Variants in SPG11 observed in about 807,000 individuals in gnomAD.
SPG11 encodes SPG11 vesicle trafficking associated, spatacsin, also known as spatacsin.
SPG11 carries 222 observed loss-of-function variants against 274.0 expected under a neutral mutation model. The observed-to-expected ratio is 0.81, with a 90% CI of 0.73 to 0.91. The LOEUF is 0.91. Ranked by LOEUF, SPG11 falls within the 40% of genes least tolerant of loss-of-function variation. SPG11 has a pLI of 0.00. For missense variants in SPG11, 3,114 were observed against 2,872.7 expected, an observed-to-expected ratio of 1.08 and a Z score of -1.92; for synonymous variants, 1,144 against 1,039.7, an observed-to-expected ratio of 1.10 and a Z score of -1.93.
intron 1 of SPG11, among the ~76,000 whole-genome samples, chr15:44,663,170 GGA>G (rs1489046438): frequency 6.6e-6 from 1 of 152,260 alleles, no homozygotes; most frequent in Non-Finnish European, 1.5e-5. Flanking sequence ...ACCCGGAACA[GGA>G]GAGCTGGGCT....
intron 7 of SPG11, among the ~76,000 whole-genome samples, chr15:44,637,138 T>C (rs2084301733): frequency 6.6e-6 from 1 of 151,988 alleles, no homozygotes; most frequent in African/African-American, 2.4e-5. Context: ...TAGAAACAGA[T>C]GTGTTTAATA....
At position 44,564,712 on chromosome 15, in the gene SPG11, G is replaced by A. The variant is rs758770771; in HGVS notation, c.7000-14C>T. On this transcript the variant is annotated splice_polypyrimidine_tract_variant and intron_variant, in intron 38 of 39. Coordinates refer to ENST00000261866, the MANE Select transcript of SPG11 (RefSeq NM_025137.4). ...CACAATAGAAGCCTTAAAAGGAGAG[G>A]TGAAGAAGGACACCATCAGAGCCCA... 1.2e-6 allele frequency: 2 copies of A among 1,614,104 alleles called. No individual in the cohort carries two copies. Among genetic ancestry groups the A allele is most frequent in the Non-Finnish European group, 1.7e-6 (2 of 1,179,998 alleles).
intron 1 of SPG11, 64 bp from the exon 2 acceptor site, chr15:44,660,680 G>T: frequency 6.8e-7 from 1 of 1,473,162 alleles, no homozygotes; most frequent in Non-Finnish European, 9.5e-7. Flanking sequence ...CACAATGGTG[G>T]GGGTAGAAGG....
At chr15:44,609,011 C>G (rs1373074476) in intron 18 of SPG11, among the ~76,000 whole-genome samples, 5 of 152,106 alleles carry the variant, frequency 3.3e-5, no homozygotes, top group Non-Finnish European at 7.3e-5. Context: ...TAATTTCTGA[C>G]AGATGATTAA....
chr15:44,641,598 C>CAT (rs2084442050), intron 7 of SPG11, among the ~76,000 whole-genome samples: 1 of 147,472 alleles, frequency 6.8e-6, no homozygotes, highest in Admixed American at 6.7e-5. Context: ...CACACACACA[C>CAT]ACACACACAC....
chr15:44,582,327 C>G (rs1404905342), intron 30 of SPG11, among the ~76,000 whole-genome samples: 1 of 152,152 alleles, frequency 6.6e-6, no homozygotes, highest in Non-Finnish European at 1.5e-5. Flanking sequence ...ATGGGCGGAT[C>G]ACTTGAGGTA....
At chr15:44,602,714 C>A (rs1437121787) in intron 20 of SPG11, among the ~76,000 whole-genome samples, 1 of 151,992 alleles carries the variant, frequency 6.6e-6, no homozygotes, top group African/African-American at 2.4e-5. Context: ...TATCTCCTGA[C>A]CTCGTGATCT....
chr15:44,657,515 G>A (rs2078258217), intron 3 of SPG11, among the ~76,000 whole-genome samples: 1 of 152,166 alleles, frequency 6.6e-6, no homozygotes, highest in African/African-American at 2.4e-5. Context: ...AATACCTGCT[G>A]AACATCTGCT....
In SPG11 at chr15:44,597,386, A is replaced by G. The variant is rs559121330; in HGVS notation, c.4002-443T>C. ...CTCACATTCCTGAAGTGCTGGGATTACAGGTGTGAGCCACTGTGCCTGGCC... is the reference window on the plus strand; with the variant it reads ...CTCACATTCCTGAAGTGCTGGGATTGCAGGTGTGAGCCACTGTGCCTGGCC... On this transcript the variant is annotated intron_variant, in intron 23 of 39. Coordinates refer to ENST00000261866, the MANE Select transcript of SPG11 (RefSeq NM_025137.4). 1.7e-3 allele frequency among the ~76,000 whole-genome samples: 255 copies of G among 152,286 alleles called. 1 individual carries two copies. The highest frequency in any genetic ancestry group is 1.1e-3 in the Non-Finnish European group (78 of 68,018).
At chr15:44,651,982 A>G (rs1365966271) in intron 5 of SPG11, 43 bp from the exon 6 acceptor site, 2 of 1,591,372 alleles carry the variant, frequency 1.3e-6, no homozygotes, top group Non-Finnish European at 1.7e-6. Context: ...GTCACAGTAA[A>G]AGGCACTATG....
intron 19 of SPG11, among the ~76,000 whole-genome samples, chr15:44,607,708 A>G (rs915956630): frequency 2.0e-5 from 3 of 152,246 alleles, no homozygotes; most frequent in African/African-American, 4.8e-5. Flanking sequence ...AATAGGCTTC[A>G]GGAAGTCTGT....
Position 44,622,348 on chromosome 15 carries a change from C to A in SPG11, c.2317-1G>T. ...AATTTTTTTCTTTTAAAATTTCAACCTTGAATAAAAAGTAATTAAAGCAGT... is the reference window on the plus strand; with the variant it reads ...AATTTTTTTCTTTTAAAATTTCAACATTGAATAAAAAGTAATTAAAGCAGT... On this transcript the variant is annotated splice_acceptor_variant, in intron 12 of 39. Transcript: ENST00000261866. LOFTEE classifies it high-confidence loss of function. 6.5e-7 allele frequency: 1 copy of A among 1,546,502 alleles called. No individual in the cohort carries two copies. Among genetic ancestry groups the A allele is most frequent in the South Asian group, 1.2e-5 (1 of 85,010 alleles).
chr15:44,598,527 A>T, intron 22 of SPG11, 104 bp downstream of exon 22: 1 of 1,350,692 alleles, frequency 7.4e-7, no homozygotes, highest in Non-Finnish European at 1.1e-6. Flanking sequence ...GAAAAGGATA[A>T]AACCAAGAAG....
intron 30 of SPG11, among the ~76,000 whole-genome samples, chr15:44,579,374 A>C (rs2082612546): frequency 6.6e-6 from 1 of 151,236 alleles, no homozygotes; most frequent in South Asian, 2.1e-4. Context: ...AAAATACACA[A>C]ACACACAAAA....
At chr15:44,645,332 G>T (rs1359180970) in intron 7 of SPG11, among the ~76,000 whole-genome samples, 6 of 152,170 alleles carry the variant, frequency 3.9e-5, no homozygotes, top group Non-Finnish European at 8.8e-5. Context: ...ACAGCCATCT[G>T]GTTTTCCACA....
chr15:44,594,501 T>C (rs1170024103), intron 26 of SPG11, among the ~76,000 whole-genome samples: 3 of 151,078 alleles, frequency 2.0e-5, no homozygotes, highest in Admixed American at 2.0e-4. Flanking sequence ...ATCCCAGTGC[T>C]CTGGGAAGAT....
At chr15:44,564,832 T>C in intron 38 of SPG11, 134 bp from the exon 39 acceptor site, 1 of 1,004,626 alleles carries the variant, frequency 1.0e-6, no homozygotes, top group Non-Finnish European at 1.5e-6. Flanking sequence ...GTTAAAAGGC[T>C]CTATGTATCA....
At position 44,583,899 on chromosome 15, in the gene SPG11, C is replaced by T. The variant is rs1339991484; in HGVS notation, c.5781G>A (p.Leu1927=). 6.2e-7 allele frequency: 1 copy of T among 1,614,082 alleles called. No individual in the cohort carries two copies. The highest frequency in any genetic ancestry group is 8.5e-7 in the Non-Finnish European group (1 of 1,180,042). ...GTAGGAGAGCATGGATCTCTGGGTGCAGATCCTCCATACTAGCTTCCCCTG... is the reference window on the plus strand; with the variant it reads ...GTAGGAGAGCATGGATCTCTGGGTGTAGATCCTCCATACTAGCTTCCCCTG... ...LASGEASMED[L]HPEIHALLQS... Residue 1927 remains leucine (L), a synonymous_variant, in exon 30 of 40, where the codon CTG becomes CTA. Transcript: ENST00000261866.
chr15:44,658,846 G>T (rs1037884027), intron 3 of SPG11, among the ~76,000 whole-genome samples: 1 of 152,128 alleles, frequency 6.6e-6, no homozygotes, highest in South Asian at 2.1e-4. Flanking sequence ...ACACAGATAT[G>T]TATGGTTAAT....
Sources: gnomAD v4.1 joint callset for allele counts (sites outside exome capture counted in the v4.1 genomes callset) on GRCh38, gnomAD v4.1.1 for gene constraint, MANE v1.5 for transcripts, NCBI Gene and HGNC (gene_info 2026-07-23, HGNC 2026-07-21) for gene names.